PIK3CB: variants seen among roughly 807,000 people sequenced by gnomAD.
PIK3CB encodes phosphatidylinositol-4,5-bisphosphate 3-kinase catalytic subunit beta.
Under a neutral mutation model 136.8 loss-of-function variants are expected in PIK3CB, and 39 were observed. That is an observed-to-expected ratio of 0.29 (90% CI 0.22 to 0.37). The LOEUF is 0.37. PIK3CB is among the 10% of genes least tolerant of loss of function. The pLI is 1.00. For missense variants in PIK3CB, 868 were observed against 1,275.4 expected, an observed-to-expected ratio of 0.68 and a Z score of 4.87; for synonymous variants, 428 against 436.6, an observed-to-expected ratio of 0.98 and a Z score of 0.25.
intron 21 of PIK3CB, among the ~76,000 whole-genome samples, chr3:138,660,217 G>C (rs1477133050): frequency 6.6e-6 from 1 of 152,016 alleles, no homozygotes. Context: ...CTATAAGGTT[G>C]TCATCAGGCC....
chr3:138,814,240 G>A (rs1385458988), intron 1 of PIK3CB, among the ~76,000 whole-genome samples: 1 of 152,146 alleles, frequency 6.6e-6, no homozygotes, highest in Non-Finnish European at 1.5e-5. Context: ...AGCTTTGGGA[G>A]GCCCAGGCGG....
intron 1 of PIK3CB, among the ~76,000 whole-genome samples, chr3:138,799,024 C>T (rs1041701775): frequency 1.3e-5 from 2 of 151,964 alleles, no homozygotes; most frequent in African/African-American, 4.8e-5. Context: ...AAGTTCAAGA[C>T]CAGACTGGGC....
chr3:138,706,954 C>G (rs1338110333), intron 11 of PIK3CB, among the ~76,000 whole-genome samples: 1 of 152,174 alleles, frequency 6.6e-6, no homozygotes, highest in Non-Finnish European at 1.5e-5. Context: ...CTGCGCCCGG[C>G]CTGGAGGTAC....
intron 8 of PIK3CB, among the ~76,000 whole-genome samples, chr3:138,718,424 TTGTC>T (rs528781783): frequency 3.0e-4 from 45 of 152,336 alleles, no homozygotes; most frequent in African/African-American, 1.0e-3. Context: ...TAATAGATCT[TTGTC>T]TGATGCATAG....
Position 138,684,798 on chromosome 3 carries a change from T to G in PIK3CB, c.2142A>C (p.Glu714Asp), listed in dbSNP as rs2043849807. 6.2e-7 allele frequency: 1 copy of G among 1,607,408 alleles called. No homozygotes were observed. The highest frequency in any genetic ancestry group is 2.2e-5 in the East Asian group (1 of 44,826). ...GHMKVLSKQV[E>D]ALNKLKTLNS... ...TTAAAGTTTTTAACTTATTGAGTGC[T>G]TCAACCTGAAAAATAAGTTCCCCAC... The change falls in exon 17 of 24, where the codon GAA becomes GAC. Residue 714 changes from glutamate to aspartate, a missense_variant. By Grantham distance (45) the Glu-to-Asp change is conservative. Around this residue, in one of 4 missense-constraint regions of PIK3CB, gnomAD observed 165 missense variants for 295.4 expected, o/e 0.56. Transcript: ENST00000674063.
intron 2 of PIK3CB, among the ~76,000 whole-genome samples, chr3:138,791,114 C>T (rs2108814618): frequency 6.6e-6 from 1 of 152,108 alleles, no homozygotes; most frequent in East Asian, 1.9e-4. Flanking sequence ...CTTCTCTCAT[C>T]TTCACTTTCA....
At chr3:138,697,225 T>C (rs1400618759) in intron 13 of PIK3CB, among the ~76,000 whole-genome samples, 4 of 152,066 alleles carry the variant, frequency 2.6e-5, no homozygotes, top group Non-Finnish European at 4.4e-5. Flanking sequence ...AAAAAATGCT[T>C]AGATCTTGTT....
chr3:138,830,903 AAATAATAATAATAATAATAATAATAAT>A (rs373908245), intron 1 of PIK3CB, among the ~76,000 whole-genome samples: 7 of 136,970 alleles, frequency 5.1e-5, no homozygotes, highest in African/African-American at 1.1e-4. Flanking sequence ...CTCCGTCTCA[AAATAATAATAATAATAATAATAATAAT>A]AATAATAATA....
At chr3:138,742,976 A>G (rs1028981570) in intron 4 of PIK3CB, among the ~76,000 whole-genome samples, 195 bp from the exon 5 acceptor site, 38 of 152,238 alleles carry the variant, frequency 2.5e-4, no homozygotes, top group African/African-American at 8.2e-4. Context: ...CATGTACAGA[A>G]GACAAACATA....
intron 2 of PIK3CB, among the ~76,000 whole-genome samples, chr3:138,788,009 G>A (rs1004395808): frequency 2.7e-5 from 4 of 147,912 alleles, no homozygotes; most frequent in Non-Finnish European, 4.4e-5. Flanking sequence ...TACAACTTCC[G>A]CCTCCCAGGT....
chr3:138,675,596 A>G (rs1216169141), intron 19 of PIK3CB, among the ~76,000 whole-genome samples: 1 of 152,196 alleles, frequency 6.6e-6, no homozygotes. Flanking sequence ...GATCTTAAAT[A>G]AGATTAACAG....
Position 138,742,756 on chromosome 3 carries a change from C to G in PIK3CB, c.423G>C (p.Lys141Asn), listed in dbSNP as rs1260710467. The change falls in exon 5 of 24, where the codon AAG (lysine) becomes AAC (asparagine). Residue 141 changes from lysine to asparagine, a missense_variant. Physicochemically the swap from Lys to Asn is moderately conservative, Grantham distance 94. Transcript: ENST00000674063. ...TTCGAAATTCATTTACTTCAGGATC[C>G]TTCAAGGAATCAAATTCATGCAGAC... is the stretch of plus-strand genomic sequence containing the variant. ...GKGLHEFDSLKDPEVNEFRRK... is the reference protein window; with the variant it reads ...GKGLHEFDSLNDPEVNEFRRK... 6.2e-7 allele frequency: 1 copy of G among 1,610,432 alleles called. No homozygotes were observed. Among genetic ancestry groups the G allele is most frequent in the South Asian group, 1.1e-5 (1 of 90,420 alleles).
At chr3:138,753,791 A>G (rs482334) in intron 4 of PIK3CB, among the ~76,000 whole-genome samples, 88,853 of 151,810 alleles carry the variant, frequency 0.59, 26,807 homozygotes, top group East Asian at 0.99. Flanking sequence ...AGGTGACAGA[A>G]AGAGACCCTA....
At chr3:138,819,368 A>G (rs1290554398) in intron 1 of PIK3CB, among the ~76,000 whole-genome samples, 1 of 152,008 alleles carries the variant, frequency 6.6e-6, no homozygotes, top group Non-Finnish European at 1.5e-5. Context: ...AAAAATCACT[A>G]CCAACATATG....
At chr3:138,747,993 G>A (rs1164954260) in intron 4 of PIK3CB, among the ~76,000 whole-genome samples, 1 of 152,028 alleles carries the variant, frequency 6.6e-6, no homozygotes, top group African/African-American at 2.4e-5. Flanking sequence ...ATGTTTATGT[G>A]TGCATTTATT....
chr3:138,714,425 T>C (rs997840747), intron 9 of PIK3CB, 43 bp downstream of exon 9: 1 of 1,366,812 alleles, frequency 7.3e-7, no homozygotes, highest in South Asian at 1.4e-5. Flanking sequence ...CTTAAAATTA[T>C]TCCGTTATAT....
intron 8 of PIK3CB, among the ~76,000 whole-genome samples, chr3:138,722,092 A>T (rs576524754): frequency 1.3e-5 from 2 of 151,374 alleles, no homozygotes; most frequent in South Asian, 4.2e-4. Flanking sequence ...AGGATCTAAT[A>T]TTATACACAT....
At chr3:138,826,017 C>G in intron 1 of PIK3CB, 1 of 1,431,524 alleles carries the variant, frequency 7.0e-7, no homozygotes, top group Non-Finnish European at 9.7e-7. Flanking sequence ...GGCTATGCCA[C>G]TGTACTGGAT....
intron 2 of PIK3CB, among the ~76,000 whole-genome samples, chr3:138,764,352 A>G (rs562608000): frequency 1.3e-5 from 2 of 151,494 alleles, no homozygotes; most frequent in Non-Finnish European, 2.9e-5. Flanking sequence ...TAGGGAGGCT[A>G]AGGCAGGAGG....
Sources: allele counts gnomAD v4.1 joint callset (sites outside exome capture counted in the v4.1 genomes callset), GRCh38; gene constraint gnomAD v4.1.1; regional missense constraint gnomAD v4.1.1; transcripts MANE v1.5; gene names NCBI Gene and HGNC (gene_info 2026-07-23, HGNC 2026-07-21).